The following CDH12 variants were observed in gnomAD, a reference collection of about 807,000 sequenced individuals.
The protein encoded by CDH12 is cadherin 12.
Under a neutral mutation model 74.1 loss-of-function variants are expected in CDH12, and 41 were observed. The observed-to-expected ratio is 0.55, with a 90% CI of 0.43 to 0.72. CDH12 has a LOEUF of 0.72. Among genes scored for constraint, CDH12 ranks in the 30% least tolerant of loss-of-function variants. The pLI, the probability that CDH12 is intolerant of heterozygous loss-of-function variation, is 0.00. For synonymous variants in CDH12, 399 were observed against 355.0 expected (o/e 1.12, Z -1.39); for missense variants, 945 against 977.2 (o/e 0.97, Z 0.44).
chr5:21,801,165 A>G (rs773371644), intron 10 of CDH12, among the ~76,000 whole-genome samples: 3 of 152,196 alleles, frequency 2.0e-5, no homozygotes, highest in Non-Finnish European at 2.9e-5. Context: ...AGATGTCACT[A>G]TATGCAATTA....
At chr5:22,478,579 T>A (rs577303501) in intron 2 of CDH12, among the ~76,000 whole-genome samples, 2 of 152,124 alleles carry the variant, frequency 1.3e-5, no homozygotes, top group South Asian at 2.1e-4. Flanking sequence ...GCTACCTCTG[T>A]CAACAAAGAT....
intron 6 of CDH12, among the ~76,000 whole-genome samples, chr5:21,932,880 C>T (rs1331928218): frequency 6.7e-6 from 1 of 150,200 alleles, no homozygotes; most frequent in African/African-American, 2.5e-5. Context: ...AAAACATGTA[C>T]ATTGCCATCA....
At chr5:22,618,180 T>G (rs1410599984) in intron 1 of CDH12, among the ~76,000 whole-genome samples, 1 of 152,150 alleles carries the variant, frequency 6.6e-6, no homozygotes, top group Non-Finnish European at 1.5e-5. Flanking sequence ...TGTTTTTCAT[T>G]CAAATAATGA....
At chr5:22,776,997 C>T (rs1006372142) in intron 1 of CDH12, among the ~76,000 whole-genome samples, 1 of 152,068 alleles carries the variant, frequency 6.6e-6, no homozygotes, top group African/African-American at 2.4e-5. Context: ...TATTGTCTTC[C>T]ACACCTCCAT....
In CDH12 at chr5:21,752,165, T is replaced by G. The variant is rs746564291; in HGVS notation, c.1957A>C (p.Ile653Leu). ...KDTLMTSKED[I>L]RDNVIHYDDE... ...TCGTAATGGATGACGTTGTCTCTGA[T>G]GTCTTCTTTAGAGGTCATCAGGGTG... The change falls in exon 15 of 15, where the codon ATC becomes CTC. Residue 653 changes from isoleucine to leucine, a missense_variant. Ile to Leu is a conservative substitution (Grantham distance 5, BLOSUM62 2). Around this residue, in one of 3 missense-constraint regions of CDH12, gnomAD observed 791 missense variants for 792.8 expected, o/e 1.00. Coordinates refer to ENST00000382254, the MANE Select transcript of CDH12 (RefSeq NM_004061.5). 1.9e-6 allele frequency: 3 copies of G among 1,614,064 alleles called. No homozygotes were observed. In the Admixed American group the frequency reaches 5.0e-5, roughly 27 times the overall value.
At position 21,751,387 on chromosome 5, in the gene CDH12, C is replaced by T. The variant is rs532186587; in HGVS notation, c.*350G>A. ...TAAGAAAAATCTAACACTCTTCCAC[C>T]GTGATGCCACATAGCTATCTTCGTT... On this transcript the variant is annotated 3_prime_UTR_variant, in exon 15 of 15. Transcript: ENST00000382254. The T allele has an allele frequency of 4.1e-5, 9 of 220,248 alleles. No individual in the cohort carries two copies. Among genetic ancestry groups the T allele is most frequent in the Admixed American group, 1.6e-4 (3 of 19,310 alleles). The allele number at this position is 220,248 out of a possible 1,614,324, so 13.6% of individuals were successfully genotyped here.
At chr5:22,749,858 T>G (rs1485325215) in intron 1 of CDH12, among the ~76,000 whole-genome samples, 1 of 152,366 alleles carries the variant, frequency 6.6e-6, no homozygotes, top group African/African-American at 2.4e-5. Context: ...ATTCTCATTA[T>G]ATTTGATACA....
chr5:22,794,813 C>A (rs2963421), intron 1 of CDH12, among the ~76,000 whole-genome samples: 2 of 151,792 alleles, frequency 1.3e-5, no homozygotes, highest in African/African-American at 4.8e-5. Context: ...GGAGAGATCA[C>A]CCTGGATTAT....
intron 6 of CDH12, among the ~76,000 whole-genome samples, chr5:21,961,415 C>T (rs1390430467): frequency 6.6e-6 from 1 of 152,054 alleles, no homozygotes; most frequent in Non-Finnish European, 1.5e-5. Context: ...TTGTACAGAG[C>T]ATATAGTTTT....
intron 5 of CDH12, among the ~76,000 whole-genome samples, chr5:21,982,645 C>G (rs1346070298): frequency 6.6e-6 from 1 of 151,572 alleles, no homozygotes; most frequent in Non-Finnish European, 1.5e-5. Context: ...ATATCTACAT[C>G]TACATCTATA....
At chr5:22,689,054 A>T (rs983897101) in intron 1 of CDH12, among the ~76,000 whole-genome samples, 2 of 152,186 alleles carry the variant, frequency 1.3e-5, no homozygotes, top group Non-Finnish European at 2.9e-5. Flanking sequence ...AGAAGAGGAA[A>T]GGGATTGTCT....
rs540027171 is a variant in CDH12, at chr5:21,982,626, TCTATAA to T, written c.232-7247_232-7242del. On this transcript the variant is annotated intron_variant, in intron 5 of 14. Coordinates refer to ENST00000382254, the MANE Select transcript of CDH12 (RefSeq NM_004061.5). ...TATCTCTATATCTATAATCTATATA[TCTATAA>T]CTATATCTACATCTACATCTATAGC... Among the ~76,000 whole-genome samples the T allele has an allele frequency of 1.3e-3, 199 of 151,976 alleles. 1 individual carries two copies. Among genetic ancestry groups the T allele is most frequent in the African/African-American group, 4.0e-3 (166 of 41,524 alleles).
At chr5:22,283,251 T>TACACACACAC (rs70959712) in intron 3 of CDH12, among the ~76,000 whole-genome samples, 2 of 102,054 alleles carry the variant, frequency 2.0e-5, no homozygotes, top group African/African-American at 8.2e-5. Context: ...TATATATATA[T>TACACACACAC]ACACACACAC....
chr5:22,813,997 A>G (rs746804945), intron 1 of CDH12, among the ~76,000 whole-genome samples: 16 of 152,304 alleles, frequency 1.1e-4, no homozygotes, highest in Non-Finnish European at 1.9e-4. Flanking sequence ...AAGGGAAAAT[A>G]GGCAATAATG....
chr5:22,803,335 A>C (rs1748630430), intron 1 of CDH12, among the ~76,000 whole-genome samples: 1 of 152,152 alleles, frequency 6.6e-6, no homozygotes, highest in Admixed American at 6.5e-5. Flanking sequence ...AATTCAGTAA[A>C]ATTTCTAAAA....
rs1407764604 is a variant in CDH12 at position 21,948,542 on chromosome 5, T to C, written c.526+26549A>G. On this transcript the variant is annotated intron_variant, in intron 6 of 14. Transcript: ENST00000382254. Reference sequence around the variant, plus strand: ...TATCTAGGAAGTAACTAACTTGCTTTTGATTTTACAGGCTTATAGGCCAAA... The same window carrying C: ...TATCTAGGAAGTAACTAACTTGCTTCTGATTTTACAGGCTTATAGGCCAAA... 2.6e-5 allele frequency among the ~76,000 whole-genome samples: 4 copies of C among 152,184 alleles called. No individual in the cohort carries two copies. The East Asian group carries it at 7.7e-4, about 29-fold the overall frequency.
At chr5:22,329,487 C>T (rs948985864) in intron 3 of CDH12, among the ~76,000 whole-genome samples, 2 of 152,086 alleles carry the variant, frequency 1.3e-5, no homozygotes, top group African/African-American at 4.8e-5. Context: ...CATTTGTTCC[C>T]GCTGCCACTA....
At chr5:22,617,086 G>A (rs1366079465) in intron 1 of CDH12, among the ~76,000 whole-genome samples, 1 of 151,782 alleles carries the variant, frequency 6.6e-6, no homozygotes, top group Non-Finnish European at 1.5e-5. Flanking sequence ...TGTTACCCAG[G>A]CTGGTCTCAA....
intron 1 of CDH12, among the ~76,000 whole-genome samples, chr5:22,563,016 C>A (rs887169075): frequency 6.9e-6 from 1 of 145,436 alleles, no homozygotes; most frequent in Non-Finnish European, 1.5e-5. Context: ...ATATATATTT[C>A]TATATTTAAA....
Sources: allele counts gnomAD v4.1 joint callset (sites outside exome capture counted in the v4.1 genomes callset), GRCh38; gene constraint gnomAD v4.1.1; regional missense constraint gnomAD v4.1.1; transcripts MANE v1.5; gene names NCBI Gene and HGNC (gene_info 2026-07-23, HGNC 2026-07-21).